Variants in FBXO8 observed in about 807,000 individuals in gnomAD.
FBXO8 encodes the protein F-box protein 8, also known as F-box only protein 8.
Under a neutral mutation model 33.4 loss-of-function variants are expected in FBXO8, and 15 were observed. That is an observed-to-expected ratio of 0.45 (90% CI 0.30 to 0.69). FBXO8 has a LOEUF of 0.69. Ranked by LOEUF, FBXO8 falls within the 30% of genes least tolerant of loss-of-function variation. The pLI, the probability that FBXO8 is intolerant of heterozygous loss-of-function variation, is 0.08. For synonymous variants in FBXO8, 132 were observed against 131.5 expected, an observed-to-expected ratio of 1.00 and a Z score of -0.02; for missense variants, 274 against 380.3, an observed-to-expected ratio of 0.72 and a Z score of 2.32.
chr4:174,248,606 T>C (rs929229836), intron 3 of FBXO8, among the ~76,000 whole-genome samples: 1 of 151,974 alleles, frequency 6.6e-6, no homozygotes, highest in Non-Finnish European at 1.5e-5. Flanking sequence ...GAAGAGAGAG[T>C]GCCAGTATCC....
At chr4:174,266,268 G>C (rs1415515622) in intron 1 of FBXO8, among the ~76,000 whole-genome samples, 1 of 152,086 alleles carries the variant, frequency 6.6e-6, no homozygotes, top group African/African-American at 2.4e-5. Context: ...AATAATAATG[G>C]GGAGGTTGGA....
Position 174,239,179 on chromosome 4 carries a change from A to G in FBXO8, c.587T>C (p.Leu196Ser). Reference protein sequence around the residue: ...RIYLDERRDVLDDLVTLHNFR... With the variant: ...RIYLDERRDVSDDLVTLHNFR... Reference sequence around the variant, plus strand: ...ATTATGCAATGTTACAAGGTCATCCAAGACATCTCTCCTACAGAAAGAAAA... The same window carrying G: ...ATTATGCAATGTTACAAGGTCATCCGAGACATCTCTCCTACAGAAAGAAAA... The change falls in exon 5 of 6, where the codon TTG becomes TCG. Residue 196 changes from leucine (L) to serine (S), a missense_variant. By Grantham distance (145) the Leu-to-Ser change is moderately radical. Around this residue, in one of 2 missense-constraint regions of FBXO8, gnomAD observed 186 missense variants for 293.4 expected, o/e 0.63. Transcript: ENST00000393674. 1 of 1,573,942 alleles carries G rather than the reference A, an allele frequency of 6.4e-7. No homozygotes were observed.
rs1471042376 is a variant in FBXO8, at chr4:174,252,423, A to C, written c.456+7276T>G. Reference sequence around the variant, plus strand: ...AAATAAAGGGATACATTTACTTCAAAAATAAAATTACCTTGTATAACAAGA... The same window carrying C: ...AAATAAAGGGATACATTTACTTCAACAATAAAATTACCTTGTATAACAAGA... On this transcript the variant is annotated intron_variant, in intron 3 of 5. Coordinates refer to ENST00000393674, the MANE Select transcript of FBXO8 (RefSeq NM_012180.3). The surrounding 1 kb of genome is among the most constrained non-coding windows in gnomAD (Gnocchi z 5.1). Among the ~76,000 whole-genome samples the C allele has an allele frequency of 1.3e-5, 2 of 152,176 alleles. No individual in the cohort carries two copies. Among genetic ancestry groups the C allele is most frequent in the Non-Finnish European group, 2.9e-5 (2 of 68,038 alleles).
rs1393136989 is a variant in FBXO8 at position 174,251,162 on chromosome 4, A to ATT, written c.456+8536_456+8537insAA. Among the ~76,000 whole-genome samples, 14 of 152,274 alleles carry ATT rather than the reference A, an allele frequency of 9.2e-5. No individual in the cohort carries two copies. Among genetic ancestry groups the ATT allele is most frequent in the African/African-American group, 2.9e-4 (12 of 41,564 alleles). On this transcript the variant is annotated intron_variant, in intron 3 of 5. Transcript: ENST00000393674. This position sits in a 1 kb window ranked among gnomAD's most constrained non-coding sequence, Gnocchi z 4.2. ...TAAAAATTTAAAAATGTATCCTAGG[A>ATT]TGAAGACATTTTCCACTAATTTCAG... is the stretch of plus-strand genomic sequence containing the variant.
In FBXO8 at chr4:174,239,172, G is replaced by T; in HGVS notation, c.594C>A (p.Asp198Glu). 1.9e-6 allele frequency: 3 copies of T among 1,579,750 alleles called. No homozygotes were observed. Among genetic ancestry groups the T allele is most frequent in the Admixed American group, 3.5e-5 (2 of 56,880 alleles). Residue 198 changes from aspartate to glutamate, a missense_variant, in exon 5 of 6, where the codon GAC (aspartate) becomes GAA (glutamate). By Grantham distance (45) the Asp-to-Glu change is conservative. Around this residue, in one of 2 missense-constraint regions of FBXO8, gnomAD observed 186 missense variants for 293.4 expected, o/e 0.63. Transcript: ENST00000393674. ...TTCTAAAATTATGCAATGTTACAAG[G>T]TCATCCAAGACATCTCTCCTACAGA... ...YLDERRDVLD[D>E]LVTLHNFRNQ...
Position 174,263,179 on chromosome 4 carries a change from T to C in FBXO8, c.-8-79A>G, listed in dbSNP as rs1256996276. ...TCCCAGTGGTATAACAAATCTGACA[T>C]GAAGCATTCATTTATCAGAATTAAA... On this transcript the variant is annotated intron_variant, in intron 1 of 5. Transcript: ENST00000393674. The surrounding 1 kb of genome is among the most constrained non-coding windows in gnomAD (Gnocchi z 4.2). 37 of 1,230,430 alleles carry C rather than the reference T, an allele frequency of 3.0e-5. 1 individual carries two copies. Among genetic ancestry groups the C allele is most frequent in the Non-Finnish European group, 3.8e-5 (34 of 885,560 alleles). The allele number at this position is 1,230,430 out of a possible 1,614,324, so 76.2% of individuals were successfully genotyped here.
Position 174,263,041 on chromosome 4 carries a change from C to G in FBXO8, c.52G>C (p.Gly18Arg). ...GTGAGGTAGCCTTGCTCACTGTAGC[C>G]TTCTTGTTGCAGCTGCTGGTTTCTG... ...VVRNQQLQQE[G>R]YSEQGYLTRE... is the part of the protein sequence containing the mutation. The change falls in exon 2 of 6, where the codon GGC (glycine) becomes CGC (arginine). Residue 18 changes from glycine (G) to arginine (R), a missense_variant. This residue lies in a region of FBXO8 where 88 missense variants were observed against 86.9 expected (regional missense o/e 1.01). Coordinates refer to ENST00000393674, the MANE Select transcript of FBXO8 (RefSeq NM_012180.3). This position sits in a 1 kb window ranked among gnomAD's most constrained non-coding sequence, Gnocchi z 4.2. The G allele has an allele frequency of 6.2e-7, 1 of 1,613,930 alleles. No homozygotes were observed. The highest frequency in any genetic ancestry group is 1.7e-5 in the Admixed American group (1 of 59,936).
Position 174,237,407 on chromosome 4 carries a change from G to A in FBXO8, c.*5C>T, listed in dbSNP as rs1190055505. 2 of 1,608,796 alleles carry A rather than the reference G, an allele frequency of 1.2e-6. No individual in the cohort carries two copies. The highest frequency in any genetic ancestry group is 2.7e-5 in the African/African-American group (2 of 74,896). On this transcript the variant is annotated 3_prime_UTR_variant, in exon 6 of 6. Transcript: ENST00000393674. The surrounding 1 kb of genome is among the most constrained non-coding windows in gnomAD (Gnocchi z 4.4). Reference sequence around the variant, plus strand: ...TAAAAACTGAAGTCCTAGCAATTGTGCTTTTTATGCAGCCACATGGCCAAT... The same window carrying A: ...TAAAAACTGAAGTCCTAGCAATTGTACTTTTTATGCAGCCACATGGCCAAT...
At position 174,263,103 on chromosome 4, in the gene FBXO8, G is replaced by A; in HGVS notation, c.-8-3C>T. ...CAACCCTTGACCCATCTGCAAGCCT[G>A]GGAAAAAGCCAGAATGTAATAAGGG... On this transcript the variant is annotated splice_region_variant and splice_polypyrimidine_tract_variant and intron_variant, in intron 1 of 5. Coordinates refer to ENST00000393674, the MANE Select transcript of FBXO8 (RefSeq NM_012180.3). This position sits in a 1 kb window ranked among gnomAD's most constrained non-coding sequence, Gnocchi z 4.2. 6.2e-7 allele frequency: 1 copy of A among 1,607,232 alleles called. No homozygotes were observed. Among genetic ancestry groups the A allele is most frequent in the African/African-American group, 1.3e-5 (1 of 74,744 alleles).
In FBXO8 at chr4:174,263,845, C is replaced by T. The variant is rs1736627948; in HGVS notation, c.-8-745G>A. On this transcript the variant is annotated intron_variant, in intron 1 of 5. Coordinates refer to ENST00000393674, the MANE Select transcript of FBXO8 (RefSeq NM_012180.3). The surrounding 1 kb of genome is among the most constrained non-coding windows in gnomAD (Gnocchi z 4.2). ...AAAGACACCAGAAGAAAGGTGTGCT[C>T]TAGTCTCCCCACTACCATCTGACCT... Among the ~76,000 whole-genome samples the T allele has an allele frequency of 6.6e-6, 1 of 152,174 alleles. No homozygotes were observed. Among genetic ancestry groups the T allele is most frequent in the South Asian group, 2.1e-4 (1 of 4,832 alleles).
rs1736322787 is a variant in FBXO8, at chr4:174,252,696, T to A, written c.456+7003A>T. ...ACACACGCACAGACAATACTACCTCTTTGTGTCTCTTTTTTAAACCTAAAA... is the reference window on the plus strand; with the variant it reads ...ACACACGCACAGACAATACTACCTCATTGTGTCTCTTTTTTAAACCTAAAA... On this transcript the variant is annotated intron_variant, in intron 3 of 5. Coordinates refer to ENST00000393674, the MANE Select transcript of FBXO8 (RefSeq NM_012180.3). This position sits in a 1 kb window ranked among gnomAD's most constrained non-coding sequence, Gnocchi z 5.1. Among the ~76,000 whole-genome samples the A allele has an allele frequency of 6.6e-6, 1 of 152,042 alleles. No individual in the cohort carries two copies. The highest frequency in any genetic ancestry group is 2.4e-5 in the African/African-American group (1 of 41,392).
chr4:174,259,934 T>C lies in FBXO8; in HGVS notation c.330-109A>G, dbSNP rs79814512. 0.02 allele frequency: 24,926 copies of C among 1,219,306 alleles called. 318 individuals are homozygous for C. Among genetic ancestry groups the C allele is most frequent in the Non-Finnish European group, 0.025 (22,188 of 889,000 alleles). The allele number at this position is 1,219,306 out of a possible 1,614,324, so 75.5% of individuals were successfully genotyped here. ...TAACATGAAATAAGATTGAATTTTA[T>C]AGTTCTAAAGTTTAAAATTTTTAAG... On this transcript the variant is annotated intron_variant, in intron 2 of 5. Coordinates refer to ENST00000393674, the MANE Select transcript of FBXO8 (RefSeq NM_012180.3). The surrounding 1 kb of genome is among the most constrained non-coding windows in gnomAD (Gnocchi z 4.3).
At chr4:174,244,907 C>A (rs928936782) in intron 3 of FBXO8, among the ~76,000 whole-genome samples, 2 of 151,492 alleles carry the variant, frequency 1.3e-5, no homozygotes, top group Non-Finnish European at 3.0e-5. Context: ...AAAAAAGTAT[C>A]CAATTCACTT....
In FBXO8 at chr4:174,281,515, A is replaced by G. The variant is rs1174082489; in HGVS notation, c.-9+1895T>C. On this transcript the variant is annotated intron_variant, in intron 1 of 5. Coordinates refer to ENST00000393674, the MANE Select transcript of FBXO8 (RefSeq NM_012180.3). The surrounding 1 kb of genome is among the most constrained non-coding windows in gnomAD (Gnocchi z 4.6). ...ACTTCAAGACCAGCCTGGGCAGCACAGTCAGACAAAAAAATTAAAAGAAAT... is the reference window on the plus strand; with the variant it reads ...ACTTCAAGACCAGCCTGGGCAGCACGGTCAGACAAAAAAATTAAAAGAAAT... Among the ~76,000 whole-genome samples, 2 of 152,132 alleles carry G rather than the reference A, an allele frequency of 1.3e-5. No homozygotes were observed. The highest frequency in any genetic ancestry group is 2.9e-5 in the Non-Finnish European group (2 of 68,020).
In FBXO8 at chr4:174,251,976, T is replaced by C. The variant is rs1372553736; in HGVS notation, c.456+7723A>G. 1.3e-5 allele frequency among the ~76,000 whole-genome samples: 2 copies of C among 152,288 alleles called. No homozygotes were observed. The highest frequency in any genetic ancestry group is 3.9e-4 in the East Asian group (2 of 5,182). Reference sequence around the variant, plus strand: ...TTGATCTGCTACTGAGAATTAGCAATGTTTATTTATGAAACAGGGTCTTGC... The same window carrying C: ...TTGATCTGCTACTGAGAATTAGCAACGTTTATTTATGAAACAGGGTCTTGC... On this transcript the variant is annotated intron_variant, in intron 3 of 5. Coordinates refer to ENST00000393674, the MANE Select transcript of FBXO8 (RefSeq NM_012180.3). This position sits in a 1 kb window ranked among gnomAD's most constrained non-coding sequence, Gnocchi z 4.2.
rs1225352346 is a variant in FBXO8, at chr4:174,251,506, G to C, written c.456+8193C>G. ...TGGGATAGAGTATGGTTAGGGTAAGGTGTAAACTAAAGTTGTCCTAAAAGG... is the reference window on the plus strand; with the variant it reads ...TGGGATAGAGTATGGTTAGGGTAAGCTGTAAACTAAAGTTGTCCTAAAAGG... On this transcript the variant is annotated intron_variant, in intron 3 of 5. Transcript: ENST00000393674. The surrounding 1 kb of genome is among the most constrained non-coding windows in gnomAD (Gnocchi z 4.2). 2.6e-5 allele frequency among the ~76,000 whole-genome samples: 4 copies of C among 152,116 alleles called. No individual in the cohort carries two copies. Among genetic ancestry groups the C allele is most frequent in the Non-Finnish European group, 5.9e-5 (4 of 68,026 alleles).
chr4:174,279,055 T>C (rs1737014977), intron 1 of FBXO8, among the ~76,000 whole-genome samples: 1 of 151,424 alleles, frequency 6.6e-6, no homozygotes, highest in African/African-American at 2.4e-5. Flanking sequence ...GTTCCAAGAG[T>C]AATTAGACAA....
intron 5 of FBXO8, among the ~76,000 whole-genome samples, chr4:174,238,083 A>G (rs1223909454): frequency 6.6e-6 from 1 of 152,068 alleles, no homozygotes; most frequent in African/African-American, 2.4e-5. Context: ...AATGACAAGA[A>G]AACATGAATC....
chr4:174,265,866 C>T lies in FBXO8; in HGVS notation c.-8-2766G>A, dbSNP rs767192249. On this transcript the variant is annotated intron_variant, in intron 1 of 5. Transcript: ENST00000393674. This position sits in a 1 kb window ranked among gnomAD's most constrained non-coding sequence, Gnocchi z 4.7. ...TCACCATTGCTATTCCTCTATTTAA[C>T]TTAGCAAGAAAATATCTAGAAATCA... 2.6e-5 allele frequency among the ~76,000 whole-genome samples: 4 copies of T among 152,108 alleles called. No homozygotes were observed. Among genetic ancestry groups the T allele is most frequent in the Non-Finnish European group, 4.4e-5 (3 of 68,004 alleles).
Sources: allele counts gnomAD v4.1 joint callset (sites outside exome capture counted in the v4.1 genomes callset), GRCh38; gene constraint gnomAD v4.1.1; regional missense constraint gnomAD v4.1.1; non-coding constraint Gnocchi (gnomAD v3.1); transcripts MANE v1.5; gene names NCBI Gene and HGNC (gene_info 2026-07-23, HGNC 2026-07-21).